Variants in PLEKHG7 observed in about 807,000 individuals in gnomAD.
The protein encoded by PLEKHG7 is pleckstrin homology and RhoGEF domain containing G7.
A neutral mutation model predicts 85.2 loss-of-function variants in PLEKHG7; 77 were observed. That is an observed-to-expected ratio of 0.90 (90% CI 0.75 to 1.09). The LOEUF is 1.09. Ranked by LOEUF, PLEKHG7 falls within the 50% of genes least tolerant of loss-of-function variation. The pLI is 0.00. For missense variants in PLEKHG7, 777 were observed against 804.3 expected, an observed-to-expected ratio of 0.97 and a Z score of 0.41; for synonymous variants, 301 against 302.4, an observed-to-expected ratio of 1.00 and a Z score of 0.05.
At chr12:92,724,842 C>T (rs1309991853) in intron 3 of PLEKHG7, among the ~76,000 whole-genome samples, 1 of 152,128 alleles carries the variant, frequency 6.6e-6, no homozygotes, top group Non-Finnish European at 1.5e-5. Flanking sequence ...AGCAGGTCAG[C>T]CTATGACCTC....
chr12:92,724,748 C>T (rs997592175), intron 3 of PLEKHG7, among the ~76,000 whole-genome samples: 3 of 152,138 alleles, frequency 2.0e-5, no homozygotes, highest in Admixed American at 6.5e-5. Flanking sequence ...AAACTTTTTC[C>T]AGGATTCACA....
chr12:92,744,268 T>C (rs958960131), intron 9 of PLEKHG7, among the ~76,000 whole-genome samples: 2 of 152,156 alleles, frequency 1.3e-5, no homozygotes, highest in Non-Finnish European at 2.9e-5. Flanking sequence ...ATTATATTAA[T>C]CAATAAACCT....
chr12:92,708,871 T>C (rs1414199785), intron 3 of PLEKHG7, among the ~76,000 whole-genome samples: 1 of 152,170 alleles, frequency 6.6e-6, no homozygotes, highest in Non-Finnish European at 1.5e-5. Context: ...AAATGTTACA[T>C]GGCAAAGTGT....
Position 92,729,085 on chromosome 12 carries a change from A to T in PLEKHG7, c.623A>T (p.Asp208Val). The T allele has an allele frequency of 8.1e-7, 1 of 1,231,762 alleles. No homozygotes were observed. Among genetic ancestry groups the T allele is most frequent in the Non-Finnish European group, 1.0e-6 (1 of 987,780 alleles). 76.3% of individuals were successfully genotyped at this position (1,231,762 alleles called of 1,614,324 possible). A position where few individuals can be genotyped will look rare whatever the true frequency, so the allele number is the denominator to read the frequency against. Residue 208 changes from aspartate (D) to valine (V), a missense_variant, in exon 4 of 17, where the codon GAT becomes GTT. Asp to Val is a radical substitution (Grantham distance 152). Around this residue, in one of 3 missense-constraint regions of PLEKHG7, gnomAD observed 5 missense variants for 18.5 expected, o/e 0.27. Coordinates refer to ENST00000344636, the MANE Select transcript of PLEKHG7 (RefSeq NM_001377329.1). Reference protein sequence around the residue: ...GDLLVSDGAADYLCHPLLLLN... With the variant: ...GDLLVSDGAAVYLCHPLLLLN... ...CTTCTGGTGTCAGATGGAGCTGCTG[A>T]TTACCTATGCCATCCACTTCTGCTG...
intron 3 of PLEKHG7, among the ~76,000 whole-genome samples, chr12:92,713,430 G>A (rs1036728729): frequency 1.3e-5 from 2 of 152,142 alleles, no homozygotes; most frequent in Non-Finnish European, 2.9e-5. Flanking sequence ...TCTGATTGCC[G>A]CTTTGCCTCT....
At position 92,707,993 on chromosome 12, in the gene PLEKHG7, C is replaced by T. The variant is rs1871288892; in HGVS notation, c.530+321C>T. On this transcript the variant is annotated intron_variant, in intron 3 of 16. Coordinates refer to ENST00000344636, the MANE Select transcript of PLEKHG7 (RefSeq NM_001377329.1). ...TTGTCTGGTAGAGAAAATAGAAAGG[C>T]CAGAGATATGCAACAGCTTTTCAAA... 4 of 384,580 alleles carry T rather than the reference C, an allele frequency of 1.0e-5. No homozygotes were observed. In the East Asian group the frequency reaches 1.4e-4, roughly 13 times the overall value. The allele number at this position is 384,580 out of a possible 1,614,324, so 23.8% of individuals were successfully genotyped here. A position where few individuals can be genotyped will look rare whatever the true frequency, so the allele number is the denominator to read the frequency against.
chr12:92,715,209 G>A (rs1182449661), intron 3 of PLEKHG7, among the ~76,000 whole-genome samples: 7 of 152,170 alleles, frequency 4.6e-5, no homozygotes, highest in African/African-American at 1.7e-4. Context: ...CATCCAGCAT[G>A]GGAGAAAGAC....
intron 13 of PLEKHG7, among the ~76,000 whole-genome samples, chr12:92,756,744 C>G (rs1042369500): frequency 6.6e-6 from 1 of 152,190 alleles, no homozygotes; most frequent in African/African-American, 2.4e-5. Flanking sequence ...GCCAGACAAT[C>G]AAGCTCTCAA....
At chr12:92,725,003 A>G (rs188677148) in intron 3 of PLEKHG7, among the ~76,000 whole-genome samples, 117 of 152,296 alleles carry the variant, frequency 7.7e-4, no homozygotes, top group Non-Finnish European at 6.5e-4. Flanking sequence ...AGAAGAGCAG[A>G]GAAAAGGCAG....
At chr12:92,735,493 T>A (rs1166280651) in intron 5 of PLEKHG7, among the ~76,000 whole-genome samples, 1 of 152,232 alleles carries the variant, frequency 6.6e-6, no homozygotes, top group Non-Finnish European at 1.5e-5. Context: ...CACAAAACTG[T>A]TTAGATCCAT....
chr12:92,754,722 G>A (rs910138830), intron 11 of PLEKHG7, among the ~76,000 whole-genome samples: 9 of 152,162 alleles, frequency 5.9e-5, no homozygotes, highest in Non-Finnish European at 1.3e-4. Context: ...TCTTTAAACT[G>A]AAATTTGAGG....
At chr12:92,730,536 G>GTT (rs1307499285) in intron 4 of PLEKHG7, among the ~76,000 whole-genome samples, 2 of 152,312 alleles carry the variant, frequency 1.3e-5, no homozygotes, top group East Asian at 3.9e-4. Context: ...GGTGGTGGTT[G>GTT]TTGTTTGAGA....
At chr12:92,767,049 G>T (rs1873222488) in intron 15 of PLEKHG7, among the ~76,000 whole-genome samples, 1 of 152,018 alleles carries the variant, frequency 6.6e-6, no homozygotes, top group African/African-American at 2.4e-5. Flanking sequence ...TCCAAATCCT[G>T]GCTATATCAT....
chr12:92,716,101 GTTTTGT>G (rs958505418), intron 3 of PLEKHG7, among the ~76,000 whole-genome samples: 4 of 145,994 alleles, frequency 2.7e-5, no homozygotes, highest in African/African-American at 1.0e-4. Flanking sequence ...GTTTTGTTTT[GTTTTGT>G]TTTTTTTGAG....
intron 10 of PLEKHG7, among the ~76,000 whole-genome samples, chr12:92,752,731 G>A (rs1457511238): frequency 3.3e-5 from 5 of 152,202 alleles, no homozygotes; most frequent in African/African-American, 7.2e-5. Flanking sequence ...TGTAAAGGCA[G>A]GATCCCTGTT....
At chr12:92,739,268 T>C (rs1033584324) in intron 7 of PLEKHG7, among the ~76,000 whole-genome samples, 1 of 152,152 alleles carries the variant, frequency 6.6e-6, no homozygotes, top group African/African-American at 2.4e-5. Context: ...GTGAGCCAAA[T>C]CCTCTAGCTC....
chr12:92,737,604 TAAA>T, intron 7 of PLEKHG7, 83 bp downstream of exon 7: 1 of 1,192,262 alleles, frequency 8.4e-7, no homozygotes, highest in South Asian at 2.0e-5. Flanking sequence ...CTGAAAGAAA[TAAA>T]GAAAAGAAAG....
chr12:92,724,557 T>C (rs1413269722), intron 3 of PLEKHG7, among the ~76,000 whole-genome samples: 1 of 152,186 alleles, frequency 6.6e-6, no homozygotes, highest in Non-Finnish European at 1.5e-5. Context: ...AGAATGACTT[T>C]AGCAAGGAAA....
chr12:92,749,646 C>CT (rs1331038883), intron 10 of PLEKHG7: 2 of 152,172 alleles, frequency 1.3e-5, no homozygotes, highest in African/African-American at 4.8e-5. Flanking sequence ...CTGCCATGGA[C>CT]TGAGTGTTTG....
Sources: allele counts gnomAD v4.1 joint callset (sites outside exome capture counted in the v4.1 genomes callset), GRCh38; gene constraint gnomAD v4.1.1; regional missense constraint gnomAD v4.1.1; transcripts MANE v1.5; gene names NCBI Gene and HGNC (gene_info 2026-07-23, HGNC 2026-07-21).